Variants in ADGB observed in about 807,000 individuals in gnomAD.
ADGB encodes the protein androglobin, also known as calpain-7-like protein.
Under a neutral mutation model 210.5 loss-of-function variants are expected in ADGB, and 172 were observed. The observed-to-expected ratio is 0.82, with a 90% CI of 0.72 to 0.93. The LOEUF (loss-of-function observed/expected upper bound fraction) is 0.93. ADGB is among the 40% of genes least tolerant of loss of function. The pLI is 0.00. For synonymous variants in ADGB, 658 were observed against 662.7 expected, an observed-to-expected ratio of 0.99 and a Z score of 0.11; for missense variants, 2,025 against 1,964.8, an observed-to-expected ratio of 1.03 and a Z score of -0.58.
intron 5 of ADGB, among the ~76,000 whole-genome samples, chr6:146,657,933 C>T (rs1775807953): frequency 6.6e-6 from 1 of 152,168 alleles, no homozygotes; most frequent in African/African-American, 2.4e-5. Context: ...ACTAAATTAG[C>T]AATGCTAGAT....
intron 35 of ADGB, among the ~76,000 whole-genome samples, chr6:146,811,737 C>T (rs567760434): frequency 9.2e-5 from 14 of 151,952 alleles, no homozygotes; most frequent in East Asian, 7.8e-4. Context: ...AATGGTGTGA[C>T]CTCAGCTCAC....
At chr6:146,756,160 C>T (rs984290854) in intron 27 of ADGB, among the ~76,000 whole-genome samples, 6 of 152,042 alleles carry the variant, frequency 3.9e-5, no homozygotes, top group African/African-American at 1.4e-4. Flanking sequence ...TCTGTCTTTT[C>T]CCAGTCCAGT....
intron 17 of ADGB, among the ~76,000 whole-genome samples, chr6:146,723,596 G>A (rs1776852071): frequency 1.3e-5 from 2 of 152,098 alleles, no homozygotes; most frequent in African/African-American, 4.8e-5. Flanking sequence ...AATTAGCCAG[G>A]GGTGGTGGCA....
chr6:146,672,794 A>G (rs891351998), intron 8 of ADGB, among the ~76,000 whole-genome samples: 22 of 150,830 alleles, frequency 1.5e-4, no homozygotes, highest in Admixed American at 5.3e-4. Flanking sequence ...CCAGTGGCAC[A>G]ATCTCAGCTC....
intron 1 of ADGB, among the ~76,000 whole-genome samples, chr6:146,615,754 C>T (rs1780790207): frequency 6.6e-6 from 1 of 152,154 alleles, no homozygotes; most frequent in Non-Finnish European, 1.5e-5. Context: ...CTTGTTGCTG[C>T]AGATTACAGG....
At chr6:146,693,492 A>T (rs1394137447) in intron 12 of ADGB, among the ~76,000 whole-genome samples, 1 of 152,168 alleles carries the variant, frequency 6.6e-6, no homozygotes, top group Non-Finnish European at 1.5e-5. Context: ...ATGTGAGAAA[A>T]TAGATTTCTC....
chr6:146,727,581 G>T (rs147127852), intron 19 of ADGB, among the ~76,000 whole-genome samples: 5 of 152,108 alleles, frequency 3.3e-5, no homozygotes, highest in African/African-American at 1.2e-4. Context: ...ATTTTGGTCT[G>T]TGAGCTCACA....
intron 28 of ADGB, among the ~76,000 whole-genome samples, chr6:146,766,775 A>G (rs183070505): frequency 7.2e-4 from 109 of 152,262 alleles, no homozygotes; most frequent in Non-Finnish European, 1.4e-3. Context: ...AAAACCAGAT[A>G]AAGGTAACAC....
chr6:146,720,911 A>C (rs549932237), intron 16 of ADGB, among the ~76,000 whole-genome samples: 1 of 152,320 alleles, frequency 6.6e-6, no homozygotes, highest in African/African-American at 2.4e-5. Context: ...CACAGAGCCA[A>C]ACCACGACAG....
chr6:146,701,134 G>C (rs755593556), intron 13 of ADGB, 64 bp downstream of exon 13: 14 of 1,498,696 alleles, frequency 9.3e-6, no homozygotes, highest in South Asian at 1.2e-5. Flanking sequence ...TCCTTACATT[G>C]TGAAACATAC....
intron 1 of ADGB, among the ~76,000 whole-genome samples, chr6:146,627,009 A>G (rs754382925): frequency 6.6e-6 from 1 of 151,748 alleles, no homozygotes; most frequent in Non-Finnish European, 1.5e-5. Context: ...TGTCTAATCC[A>G]CCATTAATAC....
intron 12 of ADGB, among the ~76,000 whole-genome samples, chr6:146,695,745 A>G (rs1776392941): frequency 6.6e-6 from 1 of 152,004 alleles, no homozygotes; most frequent in Non-Finnish European, 1.5e-5. Context: ...TGAACAAGTG[A>G]CCTGTCCATA....
chr6:146,782,896 A>G (rs1351244278), intron 30 of ADGB, among the ~76,000 whole-genome samples: 1 of 152,164 alleles, frequency 6.6e-6, no homozygotes, highest in Non-Finnish European at 1.5e-5. Context: ...TCTAAACAAG[A>G]TACCTATGAG....
At chr6:146,657,651 T>A (rs1280426040) in intron 5 of ADGB, among the ~76,000 whole-genome samples, 2 of 152,162 alleles carry the variant, frequency 1.3e-5, no homozygotes, top group Non-Finnish European at 2.9e-5. Context: ...GCACCGGGCT[T>A]CCACCTTCCT....
chr6:146,658,208 A>G (rs1211611103), intron 5 of ADGB, among the ~76,000 whole-genome samples: 1 of 152,138 alleles, frequency 6.6e-6, no homozygotes, highest in Non-Finnish European at 1.5e-5. Flanking sequence ...CCAAAATTGG[A>G]TTTTTGTTTT....
At chr6:146,728,046 C>G (rs967097186) in intron 19 of ADGB, among the ~76,000 whole-genome samples, 5 of 152,130 alleles carry the variant, frequency 3.3e-5, no homozygotes, top group African/African-American at 1.2e-4. Flanking sequence ...CCAGGACCAC[C>G]CACCGTACAC....
chr6:146,621,920 G>T (rs1343188147), intron 1 of ADGB, among the ~76,000 whole-genome samples: 1 of 151,906 alleles, frequency 6.6e-6, no homozygotes, highest in Non-Finnish European at 1.5e-5. Context: ...GAGTAGAATG[G>T]CTATATCATA....
At chr6:146,623,819 C>T (rs1283927642) in intron 1 of ADGB, among the ~76,000 whole-genome samples, 1 of 151,784 alleles carries the variant, frequency 6.6e-6, no homozygotes, top group Non-Finnish European at 1.5e-5. Context: ...AATGTTTCTT[C>T]TCCACATATT....
At chr6:146,724,372 G>A in intron 18 of ADGB, 45 bp downstream of exon 18, 1 of 1,477,586 alleles carries the variant, frequency 6.8e-7, no homozygotes, top group East Asian at 2.5e-5. Context: ...TTGTTTGAAG[G>A]CTTGCAAATT....
Sources: gnomAD v4.1 joint callset for allele counts (sites outside exome capture counted in the v4.1 genomes callset) on GRCh38, gnomAD v4.1.1 for gene constraint, MANE v1.5 for transcripts, NCBI Gene and HGNC (gene_info 2026-07-23, HGNC 2026-07-21) for gene names.